DCP1A: variants seen among roughly 807,000 people sequenced by gnomAD.
DCP1A encodes decapping mRNA 1A, also known as mRNA-decapping enzyme 1A.
In DCP1A, 20 loss-of-function variants were observed where a neutral mutation model predicts 58.0. That is an observed-to-expected ratio of 0.34 (90% CI 0.24 to 0.50). The LOEUF (loss-of-function observed/expected upper bound fraction) is 0.50. Ranked by LOEUF, DCP1A falls within the 20% of genes least tolerant of loss-of-function variation. The probability of loss-of-function intolerance (pLI) is 0.98; values close to 1 mark genes in which losing one functional copy is unlikely to be tolerated. For synonymous variants in DCP1A, 285 were observed against 275.1 expected, an observed-to-expected ratio of 1.04 and a Z score of -0.36; for missense variants, 613 against 712.2, an observed-to-expected ratio of 0.86 and a Z score of 1.59.
intron 5 of DCP1A, among the ~76,000 whole-genome samples, chr3:53,308,202 A>G (rs1707533431): frequency 6.6e-6 from 1 of 152,166 alleles, no homozygotes. Context: ...CGTTCTCTGT[A>G]AGCTGTTTTA....
At position 53,292,115 on chromosome 3, in the gene DCP1A, A is replaced by G. The variant is rs782270207; in HGVS notation, c.1337T>C (p.Val446Ala). Residue 446 changes from valine to alanine, a missense_variant, in exon 7 of 10, where the codon GTG becomes GCG. Physicochemically the swap from Val to Ala is moderately conservative, Grantham distance 64. Around this residue, in one of 3 missense-constraint regions of DCP1A, gnomAD observed 498 missense variants for 556.7 expected, o/e 0.89. Coordinates refer to ENST00000610213, the MANE Select transcript of DCP1A (RefSeq NM_018403.7). ...GTTGCTCAGGGAGGCTGAGGCCGCCACTCTTGCTGCTGCTGTCTTAGAGGG... is the reference window on the plus strand; with the variant it reads ...GTTGCTCAGGGAGGCTGAGGCCGCCGCTCTTGCTGCTGCTGTCTTAGAGGG... ...EPPSKTAAAR[V>A]AASASLSNMV... 1 of 1,612,024 alleles carries G rather than the reference A, an allele frequency of 6.2e-7. No homozygotes were observed. The highest frequency in any genetic ancestry group is 8.5e-7 in the Non-Finnish European group (1 of 1,179,444).
chr3:53,313,121 T>A (rs1376916874), intron 4 of DCP1A, among the ~76,000 whole-genome samples: 1 of 152,076 alleles, frequency 6.6e-6, no homozygotes, highest in Non-Finnish European at 1.5e-5. Flanking sequence ...AAGGACAAAG[T>A]CAGTTCTTGA....
chr3:53,298,804 G>A (rs1467573995), intron 6 of DCP1A, among the ~76,000 whole-genome samples: 1 of 152,238 alleles, frequency 6.6e-6, no homozygotes, highest in African/African-American at 2.4e-5. Flanking sequence ...CACAAACCAT[G>A]TTTTGGTCAA....
chr3:53,328,294 T>C (rs1553690882), intron 3 of DCP1A, among the ~76,000 whole-genome samples: 1 of 152,146 alleles, frequency 6.6e-6, no homozygotes, highest in Non-Finnish European at 1.5e-5. Flanking sequence ...GGTTACTCTG[T>C]TTCAATTTTT....
At chr3:53,331,211 C>A (rs2088993317) in intron 3 of DCP1A, among the ~76,000 whole-genome samples, 1 of 152,078 alleles carries the variant, frequency 6.6e-6, no homozygotes. Flanking sequence ...ATGCCAGAAT[C>A]AATTTTATAG....
At chr3:53,320,847 GTATTA>G (rs1707944084) in intron 3 of DCP1A, among the ~76,000 whole-genome samples, 1 of 152,198 alleles carries the variant, frequency 6.6e-6, no homozygotes, top group Non-Finnish European at 1.5e-5. Context: ...AATTTCAAGA[GTATTA>G]TATTACATAA....
At chr3:53,290,580 C>T in intron 8 of DCP1A, 1 of 650,938 alleles carries the variant, frequency 1.5e-6, no homozygotes. Flanking sequence ...AGCTGACAAC[C>T]TTTTACTTCA....
At chr3:53,298,379 G>C (rs1329486742) in intron 6 of DCP1A, among the ~76,000 whole-genome samples, 3 of 152,194 alleles carry the variant, frequency 2.0e-5, no homozygotes, top group African/African-American at 7.2e-5. Flanking sequence ...CTAGAATGGG[G>C]AGTATGGTAA....
intron 3 of DCP1A, 52 bp from the exon 4 acceptor site, chr3:53,319,525 G>T: frequency 8.9e-7 from 1 of 1,123,340 alleles, no homozygotes; most frequent in Non-Finnish European, 1.3e-6. Context: ...TTCAACATTT[G>T]GGTGTATGTA....
At position 53,317,102 on chromosome 3, in the gene DCP1A, G is replaced by GA. The variant is rs543674288; in HGVS notation, c.371+2304dup. Among the ~76,000 whole-genome samples the GA allele has an allele frequency of 1.6e-4, 25 of 152,218 alleles. No homozygotes were observed. In the South Asian group the frequency reaches 4.6e-3, roughly 28 times the overall value. ...ATATATTAATACATTCCAAAGTTTA[G>GA]AAAAAATCTGGATTTCTGGATAACC... On this transcript the variant is annotated intron_variant, in intron 4 of 9. Coordinates refer to ENST00000610213, the MANE Select transcript of DCP1A (RefSeq NM_018403.7).
chr3:53,311,476 A>C (rs577156792), intron 5 of DCP1A, among the ~76,000 whole-genome samples: 1 of 152,178 alleles, frequency 6.6e-6, no homozygotes, highest in South Asian at 2.1e-4. Flanking sequence ...TAAATTAACG[A>C]AAGTACCACA....
chr3:53,303,392 G>A (rs1366826513), intron 6 of DCP1A, among the ~76,000 whole-genome samples: 2 of 152,070 alleles, frequency 1.3e-5, no homozygotes, highest in African/African-American at 4.8e-5. Context: ...GCAGCCTCCT[G>A]AGTAGCTGGC....
chr3:53,335,437 C>T (rs1453866051), intron 3 of DCP1A, among the ~76,000 whole-genome samples: 11 of 152,126 alleles, frequency 7.2e-5, no homozygotes, highest in Admixed American at 3.3e-4. Flanking sequence ...CCATAGTGTC[C>T]GGCTAATATT....
Position 53,305,919 on chromosome 3 carries a change from C to G in DCP1A, c.511-1629G>C, listed in dbSNP as rs147715158. On this transcript the variant is annotated intron_variant, in intron 5 of 9. Transcript: ENST00000610213. ...TTAAAAAGAATCCTCAAAAAATGATCAGACCAATAGATGGACATGGAATTA... is the reference window on the plus strand; with the variant it reads ...TTAAAAAGAATCCTCAAAAAATGATGAGACCAATAGATGGACATGGAATTA... Among the ~76,000 whole-genome samples, 3 of 152,164 alleles carry G rather than the reference C, an allele frequency of 2.0e-5. No homozygotes were observed. In the East Asian group the frequency reaches 5.8e-4, roughly 29 times the overall value.
chr3:53,292,520 G>A lies in DCP1A; in HGVS notation c.932C>T (p.Thr311Ile), dbSNP rs201456896. Residue 311 changes from threonine (T) to isoleucine (I), a missense_variant, in exon 7 of 10, where the codon ACA becomes ATA. Around this residue, in one of 3 missense-constraint regions of DCP1A, gnomAD observed 498 missense variants for 556.7 expected, o/e 0.89. Transcript: ENST00000610213. ...QSNEKHAPTY[T>I]IPLSPVLSPT... is the part of the protein sequence containing the mutation. ...ACTGAGAACAGGGCTCAACGGGATT[G>A]TGTAGGTTGGAGCATGCTTTTCATT... 1.4e-5 allele frequency: 22 copies of A among 1,613,890 alleles called. No individual in the cohort carries two copies. Among genetic ancestry groups the A allele is most frequent in the African/African-American group, 1.2e-4 (9 of 74,928 alleles).
intron 3 of DCP1A, among the ~76,000 whole-genome samples, chr3:53,340,346 A>T (rs1461048771): frequency 1.3e-5 from 2 of 152,246 alleles, no homozygotes; most frequent in African/African-American, 4.8e-5. Flanking sequence ...CATGTCTAAT[A>T]TGTCCACAGA....
rs1706902514 is a variant in DCP1A, at chr3:53,292,108, G to A, written c.1344C>T (p.Ala448=). 1 of 1,613,458 alleles carries A rather than the reference G, an allele frequency of 6.2e-7. No individual in the cohort carries two copies. Among genetic ancestry groups the A allele is most frequent in the South Asian group, 1.1e-5 (1 of 91,060 alleles). ...PSKTAAARVA[A]SASLSNMVLA... ...GCACCATGTTGCTCAGGGAGGCTGA[G>A]GCCGCCACTCTTGCTGCTGCTGTCT... Residue 448 remains alanine (A), a synonymous_variant, in exon 7 of 10, where the codon GCC becomes GCT. Coordinates refer to ENST00000610213, the MANE Select transcript of DCP1A (RefSeq NM_018403.7).
chr3:53,312,219 C>T (rs782691104), intron 5 of DCP1A, 22 bp downstream of exon 5: 5 of 1,562,916 alleles, frequency 3.2e-6, no homozygotes, highest in Non-Finnish European at 4.3e-6. Context: ...TGGTCAGCAC[C>T]CAAGTACCCA....
At chr3:53,336,845 G>GATTGATTTATTTATTTATTT (rs150269227) in intron 3 of DCP1A, among the ~76,000 whole-genome samples, 3 of 144,212 alleles carry the variant, frequency 2.1e-5, no homozygotes, top group African/African-American at 7.7e-5. Context: ...CCAAAGCCCA[G>GATTGATTTATTTATTTATTT]ATTTATTTAT....
Sources: gnomAD v4.1 joint callset for allele counts (sites outside exome capture counted in the v4.1 genomes callset) on GRCh38, gnomAD v4.1.1 for gene constraint, gnomAD v4.1.1 regional missense constraint, MANE v1.5 for transcripts, NCBI Gene and HGNC (gene_info 2026-07-23, HGNC 2026-07-21) for gene names.